The following TENM2 variants were observed in gnomAD, a reference collection of about 807,000 sequenced individuals.
TENM2 encodes the protein teneurin transmembrane protein 2, also known as teneurin-2.
A neutral mutation model predicts 245.2 loss-of-function variants in TENM2; 52 were observed. That is an observed-to-expected ratio of 0.21 (90% CI 0.17 to 0.27). TENM2 has a LOEUF of 0.27. Among genes scored for constraint, TENM2 ranks in the 10% least tolerant of loss-of-function variants. The pLI is 1.00. For synonymous variants in TENM2, 1,363 were observed against 1,438.9 expected (o/e 0.95, Z 1.19); for missense variants, 3,046 against 3,666.8 (o/e 0.83, Z 4.37).
intron 2 of TENM2, among the ~76,000 whole-genome samples, chr5:167,407,825 C>T (rs920188605): frequency 2.0e-5 from 3 of 152,054 alleles, no homozygotes; most frequent in Admixed American, 2.0e-4. Context: ...TCAACAATAA[C>T]CACAACAAAA....
intron 2 of TENM2, among the ~76,000 whole-genome samples, chr5:167,470,454 C>CT (rs749016436): frequency 0.53 from 25,177 of 47,220 alleles, 6,764 homozygotes; most frequent in Non-Finnish European, 0.58. Context: ...GCAATGCTTG[C>CT]TTTTTTTTTT....
At chr5:168,119,785 C>G (rs1381321227) in intron 10 of TENM2, among the ~76,000 whole-genome samples, 4 of 152,144 alleles carry the variant, frequency 2.6e-5, no homozygotes, top group Admixed American at 2.0e-4. Context: ...GTCAACTTGC[C>G]CAACAAACTA....
At chr5:167,606,259 A>C (rs1777033853) in intron 2 of TENM2, among the ~76,000 whole-genome samples, 1 of 152,188 alleles carries the variant, frequency 6.6e-6, no homozygotes, top group Admixed American at 6.5e-5. Flanking sequence ...TGGGTGGTTC[A>C]AACAACAGAC....
intron 2 of TENM2, among the ~76,000 whole-genome samples, chr5:167,628,580 C>A (rs1778665898): frequency 6.6e-6 from 1 of 152,176 alleles, no homozygotes; most frequent in African/African-American, 2.4e-5. Flanking sequence ...GCCACTGATT[C>A]CCTCCACCTC....
intron 2 of TENM2, among the ~76,000 whole-genome samples, chr5:167,606,998 C>T (rs534690708): frequency 1.3e-5 from 2 of 152,262 alleles, no homozygotes; most frequent in African/African-American, 4.8e-5. Context: ...GGAACTGCTG[C>T]TCTCCTGAAT....
chr5:167,335,063 AGTAAG>A lies in TENM2; in HGVS notation c.227-40133_227-40129del, dbSNP rs1463136065. On this transcript the variant is annotated intron_variant, in intron 1 of 28. Transcript: ENST00000518659. ...TGCTATGAAGAAATACCTGAGATAA[AGTAAG>A]GAAAAGAAAAGAAAAGATGTTTAAG... Among the ~76,000 whole-genome samples the A allele has an allele frequency of 1.3e-5, 2 of 151,356 alleles. 1 individual carries two copies. Among genetic ancestry groups the A allele is most frequent in the South Asian group, 4.2e-4 (2 of 4,800 alleles).
At chr5:167,896,126 G>A (rs937242243) in intron 3 of TENM2, among the ~76,000 whole-genome samples, 5 of 152,182 alleles carry the variant, frequency 3.3e-5, no homozygotes, top group African/African-American at 7.2e-5. Flanking sequence ...GGCACATCGC[G>A]GCCCTCCCCA....
At chr5:167,302,498 G>C (rs541664026) in intron 1 of TENM2, among the ~76,000 whole-genome samples, 111 of 150,250 alleles carry the variant, frequency 7.4e-4, no homozygotes, top group Middle Eastern at 3.4e-3. Context: ...AAGGGGTTGG[G>C]GTGCAGAGAT....
intron 2 of TENM2, among the ~76,000 whole-genome samples, chr5:167,529,290 G>A (rs1313069648): frequency 6.6e-6 from 1 of 151,980 alleles, no homozygotes; most frequent in Non-Finnish European, 1.5e-5. Flanking sequence ...CCAGACTCTT[G>A]GTCCTGCTTC....
intron 5 of TENM2, among the ~76,000 whole-genome samples, chr5:168,024,030 G>A (rs568241892): frequency 6.6e-6 from 1 of 152,250 alleles, no homozygotes; most frequent in Non-Finnish European, 1.5e-5. Flanking sequence ...TGCATTTATA[G>A]ATGGATAGAG....
intron 17 of TENM2, among the ~76,000 whole-genome samples, chr5:168,203,388 C>A (rs1355899911): frequency 6.6e-6 from 1 of 152,190 alleles, no homozygotes; most frequent in African/African-American, 2.4e-5. Context: ...TCAAATGATT[C>A]CTTTCCTCCC....
At chr5:167,765,923 T>C (rs183261408) in intron 2 of TENM2, among the ~76,000 whole-genome samples, 1 of 152,328 alleles carries the variant, frequency 6.6e-6, no homozygotes, top group African/African-American at 2.4e-5. Context: ...ATTGAAGACC[T>C]ACTGTGTGCC....
chr5:168,197,475 C>G (rs902999802), intron 15 of TENM2, among the ~76,000 whole-genome samples: 3 of 152,016 alleles, frequency 2.0e-5, no homozygotes, highest in Non-Finnish European at 4.4e-5. Flanking sequence ...CAGAGGCAGG[C>G]GGATCACGAA....
chr5:167,037,398 T>C, the TENM2 span, among the ~76,000 whole-genome samples: 1 of 152,236 alleles, frequency 6.6e-6, no homozygotes, highest in African/African-American at 2.4e-5. Context: ...AAATCACTTC[T>C]GTTTATTGCT....
At chr5:167,847,084 G>A (rs1451489225) in intron 2 of TENM2, among the ~76,000 whole-genome samples, 1 of 152,166 alleles carries the variant, frequency 6.6e-6, no homozygotes, top group Non-Finnish European at 1.5e-5. Flanking sequence ...AGCTTCCCAA[G>A]TGGCTACGAG....
At chr5:168,124,919 G>T (rs1333432591) in exon 11 of TENM2, 1 of 1,613,070 alleles carries the variant, frequency 6.2e-7, no homozygotes. Context: ...TGCAGCCCTG[G>T]CTGGGGTGGT....
intron 21 of TENM2, 85 bp from the exon 24 acceptor site, chr5:168,216,683 C>T: frequency 2.2e-6 from 3 of 1,338,182 alleles, no homozygotes; most frequent in Non-Finnish European, 3.2e-6. Flanking sequence ...AAGCAGAGTG[C>T]TCAGCAAGGC....
chr5:167,348,121 T>C (rs2127832543), intron 1 of TENM2, among the ~76,000 whole-genome samples: 1 of 152,104 alleles, frequency 6.6e-6, no homozygotes, highest in East Asian at 1.9e-4. Context: ...CTGCTCGGAG[T>C]TTGGGAAAGA....
At chr5:168,110,226 G>T (rs1335998473) in intron 9 of TENM2, among the ~76,000 whole-genome samples, 2 of 151,738 alleles carry the variant, frequency 1.3e-5, no homozygotes, top group African/African-American at 4.9e-5. Flanking sequence ...GGTCAGCTGG[G>T]ATGGGGGACA....
Sources: gnomAD v4.1 joint callset for allele counts (sites outside exome capture counted in the v4.1 genomes callset) on GRCh38, gnomAD v4.1.1 for gene constraint, MANE v1.5 for transcripts, NCBI Gene and HGNC (gene_info 2026-07-23, HGNC 2026-07-21) for gene names.